Variants in PAK5 observed in about 807,000 individuals in gnomAD.
PAK5 encodes serine/threonine-protein kinase PAK 5.
PAK5 carries 16 observed loss-of-function variants against 65.9 expected under a neutral mutation model. The observed-to-expected ratio is 0.24, with a 90% CI of 0.16 to 0.37. The LOEUF (loss-of-function observed/expected upper bound fraction) is 0.37. Among genes scored for constraint, PAK5 ranks in the 10% least tolerant of loss-of-function variants. The probability of loss-of-function intolerance (pLI) is 1.00; values close to 1 mark genes in which losing one functional copy is unlikely to be tolerated. For missense variants in PAK5, 785 were observed against 903.9 expected (o/e 0.87, Z 1.69); for synonymous variants, 371 against 354.9 (o/e 1.05, Z -0.51).
chr20:9,569,376 G>A (rs1048422419), intron 4 of PAK5, among the ~76,000 whole-genome samples: 9 of 152,106 alleles, frequency 5.9e-5, no homozygotes, highest in East Asian at 5.8e-4. Context: ...GAGAGTCATC[G>A]GTGCTTAGTT....
intron 3 of PAK5, among the ~76,000 whole-genome samples, chr20:9,639,912 C>A (rs923332824): frequency 2.6e-4 from 40 of 152,196 alleles, no homozygotes; most frequent in African/African-American, 9.4e-4. Context: ...AAGATGAAAG[C>A]CTCTTTCTTT....
At chr20:9,644,378 CT>C (rs1569017455) in intron 2 of PAK5, 39 bp from the exon 3 acceptor site, 2 of 1,374,498 alleles carry the variant, frequency 1.5e-6, no homozygotes, top group Non-Finnish European at 2.1e-6. Flanking sequence ...CCATTTATAT[CT>C]TGCCAGCAGA....
intron 2 of PAK5, among the ~76,000 whole-genome samples, chr20:9,687,024 C>T (rs563815478): frequency 6.6e-6 from 1 of 152,330 alleles, no homozygotes; most frequent in South Asian, 2.1e-4. Context: ...CAAATTATCT[C>T]ACCTAAGAGG....
chr20:9,715,120 C>T (rs148573125), intron 1 of PAK5, among the ~76,000 whole-genome samples: 17 of 151,996 alleles, frequency 1.1e-4, no homozygotes, highest in African/African-American at 2.2e-4. Context: ...CCTACAGAAT[C>T]GGAGAAAAAT....
In PAK5 at chr20:9,824,254, T is replaced by C. The variant is rs188091464; in HGVS notation, c.-162+14508A>G. Among the ~76,000 whole-genome samples, 249 of 152,300 alleles carry C rather than the reference T, an allele frequency of 1.6e-3. 1 individual carries two copies. The highest frequency in any genetic ancestry group is 5.3e-3 in the African/African-American group (219 of 41,562). ...ATTAAACCAAAATGGAGAAAGAATA[T>C]TAAATCTCCAAAAGGAAGGCCGTGT... On this transcript the variant is annotated intron_variant, in intron 1 of 9. Coordinates refer to ENST00000353224, the MANE Select transcript of PAK5 (RefSeq NM_177990.4).
chr20:9,752,633 T>C lies in PAK5; in HGVS notation c.-161-41198A>G, dbSNP rs144836276. 8.8e-3 allele frequency among the ~76,000 whole-genome samples: 1,333 copies of C among 152,240 alleles called. 6 individuals are homozygous for C. The highest frequency in any genetic ancestry group is 0.014 in the Non-Finnish European group (973 of 68,008). ...TCACACATAGCCCATAAATATGTAC[T>C]TATCAATTTAAAAAATTTAAAAATA... is the stretch of plus-strand genomic sequence containing the variant. On this transcript the variant is annotated intron_variant, in intron 1 of 9. Coordinates refer to ENST00000353224, the MANE Select transcript of PAK5 (RefSeq NM_177990.4).
intron 3 of PAK5, among the ~76,000 whole-genome samples, chr20:9,590,382 A>T (rs1196996587): frequency 1.3e-5 from 2 of 152,216 alleles, no homozygotes; most frequent in African/African-American, 4.8e-5. Flanking sequence ...CATGTGACTC[A>T]TGGGCCAAAT....
chr20:9,576,709 G>A (rs1005665289), intron 4 of PAK5, among the ~76,000 whole-genome samples: 1 of 152,220 alleles, frequency 6.6e-6, no homozygotes, highest in African/African-American at 2.4e-5. Context: ...TGTGCTACTG[G>A]AAATGCATGC....
rs578047796 is a variant in PAK5 at position 9,586,128 on chromosome 20, C to T, written c.205-5198G>A. On this transcript the variant is annotated intron_variant, in intron 3 of 9. Coordinates refer to ENST00000353224, the MANE Select transcript of PAK5 (RefSeq NM_177990.4). The stretch of plus-strand genomic sequence containing the variant: ...CTCTCTGCTCATATCAAATTGGTAT[C>T]CCAATTATTTGTTTGGAATTTATGT... Among the ~76,000 whole-genome samples, 6 of 152,170 alleles carry T rather than the reference C, an allele frequency of 3.9e-5. No homozygotes were observed. In the South Asian group the frequency reaches 1.0e-3, roughly 26 times the overall value.
At chr20:9,740,013 C>T (rs1260524338) in intron 1 of PAK5, among the ~76,000 whole-genome samples, 3 of 152,120 alleles carry the variant, frequency 2.0e-5, no homozygotes, top group Non-Finnish European at 4.4e-5. Flanking sequence ...TTGGCAGTTG[C>T]ACATATTTCA....
At chr20:9,638,113 A>G (rs6516479) in intron 3 of PAK5, among the ~76,000 whole-genome samples, 57,366 of 152,054 alleles carry the variant, frequency 0.38, 11,551 homozygotes, top group South Asian at 0.63. Flanking sequence ...ACAAGCCCCC[A>G]GGGAAATTCT....
chr20:9,629,073 T>C (rs1600167609), intron 3 of PAK5, among the ~76,000 whole-genome samples: 1 of 152,142 alleles, frequency 6.6e-6, no homozygotes, highest in East Asian at 1.9e-4. Context: ...CTCAGAACTG[T>C]AAGGAAATGA....
At chr20:9,798,419 C>T (rs1251604059) in intron 1 of PAK5, among the ~76,000 whole-genome samples, 1 of 152,040 alleles carries the variant, frequency 6.6e-6, no homozygotes, top group Non-Finnish European at 1.5e-5. Flanking sequence ...ACAGGGTTGG[C>T]CTTTGACTTT....
chr20:9,747,616 C>T (rs1266311261), intron 1 of PAK5, among the ~76,000 whole-genome samples: 59 of 151,846 alleles, frequency 3.9e-4, no homozygotes, highest in African/African-American at 1.3e-3. Context: ...GCAGAAAAGG[C>T]CTTTGACAAA....
intron 1 of PAK5, among the ~76,000 whole-genome samples, chr20:9,774,117 A>AC (rs1413769780): frequency 3.3e-5 from 5 of 152,190 alleles, no homozygotes; most frequent in African/African-American, 1.2e-4. Context: ...AGAAAGTGTC[A>AC]ATCTGGGACT....
intron 8 of PAK5, 23 bp from the exon 9 acceptor site, chr20:9,542,743 T>C: frequency 6.2e-7 from 1 of 1,609,390 alleles, no homozygotes. Flanking sequence ...CCCTACTGGT[T>C]ATCTCAGGCA....
intron 1 of PAK5, among the ~76,000 whole-genome samples, chr20:9,824,306 C>G (rs1164644378): frequency 6.6e-6 from 1 of 152,120 alleles, no homozygotes; most frequent in Non-Finnish European, 1.5e-5. Flanking sequence ...ATAATTCCAG[C>G]ACTTTGGGAG....
chr20:9,542,534 C>T (rs2045281734), intron 9 of PAK5, 52 bp downstream of exon 9: 2 of 1,598,844 alleles, frequency 1.3e-6, no homozygotes, highest in South Asian at 1.1e-5. Flanking sequence ...CAGAGAGATA[C>T]AGGAAAATCC....
intron 2 of PAK5, among the ~76,000 whole-genome samples, chr20:9,706,511 C>T (rs1402015012): frequency 2.8e-5 from 4 of 144,814 alleles, no homozygotes; most frequent in African/African-American, 1.0e-4. Context: ...GGGTGTGTTG[C>T]TCTGTTTCAC....
Sources: gnomAD v4.1 joint callset for allele counts (sites outside exome capture counted in the v4.1 genomes callset) on GRCh38, gnomAD v4.1.1 for gene constraint, MANE v1.5 for transcripts, NCBI Gene and HGNC (gene_info 2026-07-23, HGNC 2026-07-21) for gene names.